Variants in RFX3 observed in about 807,000 individuals in gnomAD.
RFX3 encodes regulatory factor X3, also known as transcription factor RFX3.
In RFX3, 14 loss-of-function variants were observed where a neutral mutation model predicts 98.6. That is an observed-to-expected ratio of 0.14 (90% confidence interval 0.09 to 0.22). The LOEUF (loss-of-function observed/expected upper bound fraction) is 0.22. RFX3 is among the 10% of genes least tolerant of loss of function. The pLI is 1.00. For missense variants in RFX3, 639 were observed against 926.9 expected (o/e 0.69, Z 4.03); for synonymous variants, 383 against 328.4 (o/e 1.17, Z -1.80).
At position 3,219,844 on chromosome 9, in the gene RFX3, T is replaced by C. The variant is rs1237858099; in HGVS notation, c.*5198A>G. On this transcript the variant is annotated 3_prime_UTR_variant, in exon 17 of 17. Coordinates refer to ENST00000617270, the MANE Select transcript of RFX3 (RefSeq NM_001282116.2). The stretch of plus-strand genomic sequence containing the variant: ...CAACGTTTACGGCATACTTGCACTA[T>C]GCTATGGATGTCCTTTCACCAGACA... 1 of 152,198 alleles carries C rather than the reference T, an allele frequency of 6.6e-6. No individual in the cohort carries two copies. Among genetic ancestry groups the C allele is most frequent in the Non-Finnish European group, 1.5e-5 (1 of 68,048 alleles). The allele number at this position is 152,198 out of a possible 1,614,324, so 9.4% of individuals were successfully genotyped here.
In RFX3 at chr9:3,509,758, T is replaced by G. The variant is rs138946991; in HGVS notation, c.-9+15989A>C. Among the ~76,000 whole-genome samples, 518 of 152,050 alleles carry G rather than the reference T, an allele frequency of 3.4e-3. 3 individuals are homozygous for G. The highest frequency in any genetic ancestry group is 0.012 in the African/African-American group (492 of 41,518). ...GGAGTTCAAAATTATAGATAAACAG[T>G]TACTTAAAACACTAAAGGCAGTACA... On this transcript the variant is annotated intron_variant, in intron 1 of 16. Coordinates refer to ENST00000617270, the MANE Select transcript of RFX3 (RefSeq NM_001282116.2).
chr9:3,467,150 T>TATTATGTATATATGTATATACATA, intron 1 of RFX3, among the ~76,000 whole-genome samples: 1 of 133,820 alleles, frequency 7.5e-6, no homozygotes, highest in East Asian at 2.1e-4. Flanking sequence ...ATATACATAA[T>TATTATGTATATATGTATATACATA]ATATATGTAT....
intron 1 of RFX3, among the ~76,000 whole-genome samples, chr9:3,495,116 G>GTA (rs1031611347): frequency 5.8e-4 from 88 of 150,522 alleles, no homozygotes; most frequent in East Asian, 1.2e-3. Context: ...TAATGTATAT[G>GTA]TATATATATA....
intron 3 of RFX3, among the ~76,000 whole-genome samples, chr9:3,331,539 G>A (rs983412660): frequency 2.0e-5 from 3 of 152,042 alleles, no homozygotes; most frequent in African/African-American, 4.8e-5. Context: ...CCATTCCTGA[G>A]AGTTTGGTGT....
In RFX3 at chr9:3,330,293, G is replaced by A; in HGVS notation, c.440C>T (p.Ser147Leu). Residue 147 changes from serine (S) to leucine (L), a missense_variant, in exon 4 of 17, where the codon TCA (serine) becomes TTA (leucine). Coordinates refer to ENST00000617270, the MANE Select transcript of RFX3 (RefSeq NM_001282116.2). ...GGAGGCCCGAGTTGTGTGTGTCACT[G>A]AGTGACCAGAATTCTCCATTGAGTT... ...IGNSMENSGH[S>L]VTHTTRASPA... is the part of the protein sequence containing the mutation. The A allele has an allele frequency of 6.2e-7, 1 of 1,614,098 alleles. No homozygotes were observed.
chr9:3,422,951 C>T lies in RFX3; in HGVS notation c.-8-27355G>A, dbSNP rs1233346112. ...ACCTCTATAAAAATAGTACTTTTGTCAAGAAAATAAAGATCTATGTGAAAA... is the reference window on the plus strand; with the variant it reads ...ACCTCTATAAAAATAGTACTTTTGTTAAGAAAATAAAGATCTATGTGAAAA... On this transcript the variant is annotated intron_variant, in intron 1 of 16. Coordinates refer to ENST00000617270, the MANE Select transcript of RFX3 (RefSeq NM_001282116.2). Among the ~76,000 whole-genome samples, 5 of 152,138 alleles carry T rather than the reference C, an allele frequency of 3.3e-5. No individual in the cohort carries two copies. The East Asian group carries it at 9.7e-4, about 29-fold the overall frequency.
intron 1 of RFX3, among the ~76,000 whole-genome samples, chr9:3,489,954 T>C (rs1850608679): frequency 6.6e-6 from 1 of 152,014 alleles, no homozygotes; most frequent in African/African-American, 2.4e-5. Flanking sequence ...GGGAAGTTGG[T>C]AGGTGGAAAG....
At chr9:3,403,158 C>T (rs1359714807) in intron 1 of RFX3, among the ~76,000 whole-genome samples, 3 of 152,050 alleles carry the variant, frequency 2.0e-5, no homozygotes, top group Non-Finnish European at 4.4e-5. Context: ...AAACACTTGG[C>T]TTTCTTCCGC....
intron 2 of RFX3, among the ~76,000 whole-genome samples, chr9:3,369,369 A>G (rs1433895802): frequency 1.3e-5 from 2 of 152,148 alleles, no homozygotes; most frequent in Non-Finnish European, 2.9e-5. Flanking sequence ...TCCTATTCAT[A>G]AGGACTCCAT....
chr9:3,228,978 G>C, intron 15 of RFX3, 89 bp from the exon 16 acceptor site: 2 of 1,164,412 alleles, frequency 1.7e-6, no homozygotes, highest in South Asian at 1.5e-5. Context: ...GCCAATCTAT[G>C]ACTCTTTAAA....
chr9:3,486,274 G>A (rs1587835669), intron 1 of RFX3, among the ~76,000 whole-genome samples: 1 of 151,894 alleles, frequency 6.6e-6, no homozygotes, highest in Non-Finnish European at 1.5e-5. Context: ...AACTTTTAGG[G>A]ACTGTCTTTT....
intron 1 of RFX3, among the ~76,000 whole-genome samples, chr9:3,476,008 G>A (rs185405478): frequency 3.9e-4 from 59 of 152,266 alleles, no homozygotes; most frequent in Non-Finnish European, 7.3e-4. Flanking sequence ...GTCCAGGCAT[G>A]ACAGACGGCT....
rs572399330 is a variant in RFX3 at position 3,395,478 on chromosome 9, T to C, written c.111A>G (p.Gln37=). Residue 37 remains glutamine, a synonymous_variant, in exon 2 of 17, where the codon CAA becomes CAG. Coordinates refer to ENST00000617270, the MANE Select transcript of RFX3 (RefSeq NM_001282116.2). ...PTQVVQQVPV[Q]QQVQQVQTVQ... ...AAGAGCAGCAGCTCCTTACCTGTTG[T>C]TGTACTGGTACTTGCTGTACCACCT... 1.4e-5 allele frequency: 23 copies of C among 1,614,052 alleles called. No homozygotes were observed. The highest frequency in any genetic ancestry group is 1.8e-5 in the Non-Finnish European group (21 of 1,179,918).
intron 7 of RFX3, among the ~76,000 whole-genome samples, chr9:3,278,938 G>C (rs1196153506): frequency 6.6e-6 from 1 of 151,806 alleles, no homozygotes; most frequent in Admixed American, 6.6e-5. Flanking sequence ...TGAGAGAAAA[G>C]AACTCAGATC....
At chr9:3,309,058 T>A (rs1156721434) in intron 4 of RFX3, among the ~76,000 whole-genome samples, 1 of 152,126 alleles carries the variant, frequency 6.6e-6, no homozygotes, top group Non-Finnish European at 1.5e-5. Context: ...AATATGACCA[T>A]ACAAACAATC....
intron 4 of RFX3, among the ~76,000 whole-genome samples, chr9:3,317,175 A>G (rs1008887546): frequency 7.9e-5 from 12 of 152,240 alleles, no homozygotes; most frequent in African/African-American, 2.9e-4. Flanking sequence ...ACAGAGATAT[A>G]GACCAATGGA....
intron 2 of RFX3, chr9:3,394,856 T>A (rs940227875): frequency 2.0e-6 from 2 of 985,178 alleles, no homozygotes; most frequent in African/African-American, 3.5e-5. Context: ...TTTGTCAGTA[T>A]CTTTCCAAAC....
intron 7 of RFX3, among the ~76,000 whole-genome samples, chr9:3,280,256 G>C (rs1725668524): frequency 6.6e-6 from 1 of 151,802 alleles, no homozygotes; most frequent in South Asian, 2.1e-4. Flanking sequence ...GTGCCATAAA[G>C]AATGACATCA....
intron 1 of RFX3, among the ~76,000 whole-genome samples, chr9:3,505,768 A>G (rs559702336): frequency 2.1e-4 from 31 of 147,628 alleles, no homozygotes; most frequent in African/African-American, 7.4e-4. Context: ...TCATTTACAT[A>G]TCATTTACAC....
Sources: allele counts gnomAD v4.1 joint callset (sites outside exome capture counted in the v4.1 genomes callset), GRCh38; gene constraint gnomAD v4.1.1; transcripts MANE v1.5; gene names NCBI Gene and HGNC (gene_info 2026-07-23, HGNC 2026-07-21).